The following IL12RB2 variants were observed in gnomAD, a reference collection of about 807,000 sequenced individuals.
IL12RB2 encodes the protein interleukin-12 receptor subunit beta-2.
In IL12RB2, 82 loss-of-function variants were observed where a neutral mutation model predicts 89.4. The observed-to-expected ratio is 0.92, with a 90% CI of 0.77 to 1.10. IL12RB2 has a LOEUF of 1.10. Ranked by LOEUF, IL12RB2 falls within the 50% of genes least tolerant of loss-of-function variation. IL12RB2 has a pLI of 0.00. For missense variants in IL12RB2, 963 were observed against 1,031.9 expected, an observed-to-expected ratio of 0.93 and a Z score of 0.92; for synonymous variants, 368 against 370.1, an observed-to-expected ratio of 0.99 and a Z score of 0.07.
chr1:67,345,863 G>A (rs780405607), intron 9 of IL12RB2, among the ~76,000 whole-genome samples: 3 of 152,186 alleles, frequency 2.0e-5, no homozygotes, highest in Non-Finnish European at 2.9e-5. Context: ...AAATAAGAGA[G>A]TAGGTAGCCA....
intron 13 of IL12RB2, among the ~76,000 whole-genome samples, chr1:67,373,347 T>G (rs1048620093): frequency 2.0e-5 from 3 of 152,188 alleles, no homozygotes; most frequent in Admixed American, 6.5e-5. Context: ...TGGGCTCAAG[T>G]GATTTGCCTA....
Position 67,321,723 on chromosome 1 carries a change from C to G in IL12RB2, c.198C>G (p.Asn66Lys), listed in dbSNP as rs372100914. Residue 66 changes from asparagine to lysine, a missense_variant, in exon 4 of 17, where the codon AAC (asparagine) becomes AAG (lysine). By Grantham distance (94) the Asn-to-Lys change is moderately conservative. Coordinates refer to ENST00000674203, the MANE Select transcript of IL12RB2 (RefSeq NM_001374259.2). ...RQGCFHYSRR[N>K]KLILYKFDRR... ...GCTGCTTTCACTATTCCAGACGTAACAAGTTAATCCTGTACAAGTTTGACA... is the reference window on the plus strand; with the variant it reads ...GCTGCTTTCACTATTCCAGACGTAAGAAGTTAATCCTGTACAAGTTTGACA... 5.3e-5 allele frequency: 86 copies of G among 1,611,872 alleles called. No individual in the cohort carries two copies. The highest frequency in any genetic ancestry group is 7.1e-5 in the Non-Finnish European group (84 of 1,178,096).
intron 15 of IL12RB2, among the ~76,000 whole-genome samples, chr1:67,387,775 C>T (rs1363591043): frequency 2.0e-5 from 3 of 151,716 alleles, no homozygotes; most frequent in African/African-American, 4.8e-5. Context: ...AGGCAGCCTG[C>T]CAAACAATAC....
rs1662889938 is a variant in IL12RB2, at chr1:67,367,954, CA to C, written c.1389del (p.Gly465ValfsTer7). On this transcript the variant is annotated frameshift_variant, in exon 11 of 17. Transcript: ENST00000674203. LOFTEE classifies it high-confidence loss of function. ...GTGGTGGAATGGAGAGAGCTCCATC[CA>C]GGGGGTGACACACAGGTCCCTCTAA... ...EYVVEWRELHPGGDTQVPLNW... is the reference protein window; with the variant it reads ...EYVVEWRELHXGGDTQVPLNW... 1 of 1,610,028 alleles carries C rather than the reference CA, an allele frequency of 6.2e-7. No homozygotes were observed. The highest frequency in any genetic ancestry group is 8.5e-7 in the Non-Finnish European group (1 of 1,176,250).
At chr1:67,314,945 G>T (rs1282874526) in intron 2 of IL12RB2, among the ~76,000 whole-genome samples, 2 of 151,470 alleles carry the variant, frequency 1.3e-5, no homozygotes, top group African/African-American at 4.9e-5. Flanking sequence ...TCAAGACAGA[G>T]TTGTTGTTTT....
At chr1:67,355,739 G>A (rs1453021166) in intron 10 of IL12RB2, among the ~76,000 whole-genome samples, 1 of 152,210 alleles carries the variant, frequency 6.6e-6, no homozygotes, top group African/African-American at 2.4e-5. Flanking sequence ...AGTGAAAATG[G>A]AGATGGGAAG....
intron 8 of IL12RB2, among the ~76,000 whole-genome samples, chr1:67,333,240 C>G (rs1253032919): frequency 4.6e-5 from 7 of 152,108 alleles, no homozygotes; most frequent in African/African-American, 7.2e-5. Flanking sequence ...GTTTTCACCC[C>G]TTACCCGCTG....
chr1:67,327,714 G>A (rs1435880342), intron 5 of IL12RB2, among the ~76,000 whole-genome samples: 2 of 152,158 alleles, frequency 1.3e-5, no homozygotes, highest in Non-Finnish European at 2.9e-5. Flanking sequence ...AGGAGGAGAT[G>A]GAGGAAAGGA....
intron 9 of IL12RB2, among the ~76,000 whole-genome samples, chr1:67,338,918 C>T (rs1490546930): frequency 1.3e-5 from 2 of 152,142 alleles, no homozygotes; most frequent in Admixed American, 1.3e-4. Flanking sequence ...ATCCCACTTC[C>T]TATAAGATCA....
intron 10 of IL12RB2, among the ~76,000 whole-genome samples, chr1:67,361,154 C>T (rs1661999854): frequency 1.3e-5 from 2 of 152,108 alleles, no homozygotes; most frequent in Non-Finnish European, 2.9e-5. Context: ...GCTTTCTTTC[C>T]CCCGACACCT....
intron 10 of IL12RB2, among the ~76,000 whole-genome samples, chr1:67,362,572 CAA>C (rs956277979): frequency 6.9e-5 from 3 of 43,340 alleles, no homozygotes; most frequent in Non-Finnish European, 1.3e-4. Context: ...GACTCCGTCT[CAA>C]AAAAAAAAAA....
intron 10 of IL12RB2, among the ~76,000 whole-genome samples, chr1:67,351,295 T>C (rs1217160138): frequency 6.6e-6 from 1 of 152,122 alleles, no homozygotes; most frequent in Non-Finnish European, 1.5e-5. Flanking sequence ...AGCTTCAATG[T>C]CCTCCTCTCT....
intron 2 of IL12RB2, among the ~76,000 whole-genome samples, chr1:67,315,822 G>A (rs764484776): frequency 7.2e-5 from 11 of 152,154 alleles, no homozygotes; most frequent in Non-Finnish European, 1.6e-4. Flanking sequence ...TTCTAGTACA[G>A]GGAGTGTCTT....
At chr1:67,336,990 TG>T (rs1473474814) in intron 8 of IL12RB2, among the ~76,000 whole-genome samples, 1 of 152,148 alleles carries the variant, frequency 6.6e-6, no homozygotes, top group Non-Finnish European at 1.5e-5. Context: ...ATCTGACAGA[TG>T]AGGGAGCTAG....
intron 16 of IL12RB2, among the ~76,000 whole-genome samples, chr1:67,391,669 T>A (rs1374644964): frequency 1.3e-5 from 2 of 151,314 alleles, no homozygotes; most frequent in Non-Finnish European, 3.0e-5. Flanking sequence ...CAGAGTCTTG[T>A]TCTGTTGCCC....
At chr1:67,344,818 C>T (rs1660037358) in intron 9 of IL12RB2, among the ~76,000 whole-genome samples, 1 of 152,152 alleles carries the variant, frequency 6.6e-6, no homozygotes, top group Admixed American at 6.5e-5. Context: ...TCCATGACTT[C>T]CTACAGCTAG....
At chr1:67,338,744 C>A in intron 9 of IL12RB2, 41 bp downstream of exon 9, 1 of 947,808 alleles carries the variant, frequency 1.1e-6, no homozygotes, top group Non-Finnish European at 1.8e-6. Flanking sequence ...GGGAATAAAA[C>A]TGAAGGCAGA....
intron 10 of IL12RB2, among the ~76,000 whole-genome samples, chr1:67,365,808 G>T (rs1301777444): frequency 6.6e-6 from 1 of 152,138 alleles, no homozygotes; most frequent in African/African-American, 2.4e-5. Context: ...ACCAATAGGA[G>T]AAAATGTAGT....
At chr1:67,308,350 C>T (rs572944656) in intron 1 of IL12RB2, among the ~76,000 whole-genome samples, 2 of 151,988 alleles carry the variant, frequency 1.3e-5, no homozygotes, top group Non-Finnish European at 2.9e-5. Flanking sequence ...CCCTGAGGGT[C>T]CAGCCTTGGT....
Sources: gnomAD v4.1 joint callset for allele counts (sites outside exome capture counted in the v4.1 genomes callset) on GRCh38, gnomAD v4.1.1 for gene constraint, MANE v1.5 for transcripts, NCBI Gene and HGNC (gene_info 2026-07-23, HGNC 2026-07-21) for gene names.